HDLBP: variants seen among roughly 807,000 people sequenced by gnomAD.
HDLBP encodes vigilin.
In HDLBP, 30 loss-of-function variants were observed where a neutral mutation model predicts 137.3. The observed-to-expected ratio is 0.22, with a 90% CI of 0.16 to 0.30. The LOEUF (loss-of-function observed/expected upper bound fraction) is 0.30. Ranked by LOEUF, HDLBP falls within the 10% of genes least tolerant of loss-of-function variation. HDLBP has a pLI of 1.00. For synonymous variants in HDLBP, 606 were observed against 596.0 expected, an observed-to-expected ratio of 1.02 and a Z score of -0.24; for missense variants, 1,119 against 1,667.3, an observed-to-expected ratio of 0.67 and a Z score of 5.73.
At chr2:241,264,975 T>C (rs1015599742) in intron 3 of HDLBP, among the ~76,000 whole-genome samples, 1 of 152,278 alleles carries the variant, frequency 6.6e-6, no homozygotes, top group Non-Finnish European at 1.5e-5. Flanking sequence ...TAGAGTCTAA[T>C]AACACACTTA....
intron 1 of HDLBP, among the ~76,000 whole-genome samples, chr2:241,297,186 A>C (rs1431802420): frequency 1.3e-5 from 2 of 152,218 alleles, no homozygotes; most frequent in African/African-American, 4.8e-5. Context: ...TCAGAGCCCA[A>C]GTGGAGTGAG....
chr2:241,295,026 C>T (rs573930827), intron 1 of HDLBP, among the ~76,000 whole-genome samples: 3 of 152,074 alleles, frequency 2.0e-5, no homozygotes, highest in Admixed American at 6.6e-5. Context: ...CTCTTGAACC[C>T]GGGAGGCGGA....
chr2:241,236,654 G>A lies in HDLBP; in HGVS notation c.2865C>T (p.Gly955=), dbSNP rs748110436. 3.1e-6 allele frequency: 5 copies of A among 1,614,062 alleles called. No homozygotes were observed. The South Asian group carries it at 3.3e-5, about 11-fold the overall frequency. Residue 955 remains glycine (G), a synonymous_variant, in exon 21 of 28, where the codon GGC becomes GGT. Transcript: ENST00000310931. ...PRRCDIIIIS[G]RKEKCEAAKE... is the part of the protein sequence containing the mutation. ...TGGCAGCCTCACACTTTTCTTTCCGGCCAGAGATGATGATGATGTCACACC... is the reference window on the plus strand; with the variant it reads ...TGGCAGCCTCACACTTTTCTTTCCGACCAGAGATGATGATGATGTCACACC...
intron 16 of HDLBP, among the ~76,000 whole-genome samples, chr2:241,246,397 C>T (rs138619064): frequency 3.3e-5 from 5 of 152,190 alleles, no homozygotes; most frequent in African/African-American, 1.2e-4. Flanking sequence ...CACGTCAAAA[C>T]TATTACATTG....
rs1261629737 is a variant in HDLBP at position 241,272,619 on chromosome 2, CCCGGGTGGGGGCCGCGGCA to C, written c.-102-4097_-102-4079del. 1 of 981,244 alleles carries C rather than the reference CCCGGGTGGGGGCCGCGGCA, an allele frequency of 1.0e-6. No homozygotes were observed. The highest frequency in any genetic ancestry group is 1.2e-4 in the East Asian group (1 of 8,684). 60.8% of individuals were successfully genotyped at this position (981,244 alleles called of 1,614,324 possible). On this transcript the variant is annotated intron_variant, in intron 1 of 27. Transcript: ENST00000310931. This position sits in a 1 kb window ranked among gnomAD's most constrained non-coding sequence, Gnocchi z 5.6. ...CGCGGGCGGGGGCCGCAGCCTGGGG[CCCGGGTGGGGGCCGCGGCA>C]CCCGGGCCCCTCCCCCTCCGCGGCC...
At chr2:241,268,225 C>T (rs1262802869) in intron 2 of HDLBP, among the ~76,000 whole-genome samples, 1 of 152,204 alleles carries the variant, frequency 6.6e-6, no homozygotes, top group Non-Finnish European at 1.5e-5. Flanking sequence ...ACTGAATAAA[C>T]ATAATTCACA....
intron 20 of HDLBP, among the ~76,000 whole-genome samples, chr2:241,237,194 C>A (rs113742989): frequency 1.3e-4 from 20 of 152,212 alleles, no homozygotes; most frequent in African/African-American, 4.8e-4. Flanking sequence ...GCGGCCAGCA[C>A]GCAGCCCCAC....
chr2:241,262,279 G>A (rs1298292739), intron 5 of HDLBP, among the ~76,000 whole-genome samples: 27 of 152,140 alleles, frequency 1.8e-4, no homozygotes, highest in Admixed American at 1.8e-3. Flanking sequence ...CTCAAACTCT[G>A]GGACAAGCTT....
chr2:241,269,878 C>T (rs2149564265), intron 1 of HDLBP, among the ~76,000 whole-genome samples: 1 of 152,198 alleles, frequency 6.6e-6, no homozygotes, highest in East Asian at 1.9e-4. Flanking sequence ...CTCCCGCATC[C>T]ACCCTCCGCC....
At chr2:241,305,175 G>A (rs1262360561) in intron 1 of HDLBP, among the ~76,000 whole-genome samples, 2 of 152,196 alleles carry the variant, frequency 1.3e-5, no homozygotes, top group East Asian at 1.9e-4. Context: ...CCAGGCTAGA[G>A]TGCAGTGGCG....
chr2:241,314,010 A>C (rs2075871155), intron 1 of HDLBP, among the ~76,000 whole-genome samples: 1 of 152,176 alleles, frequency 6.6e-6, no homozygotes, highest in Non-Finnish European at 1.5e-5. Context: ...CCTCATGATG[A>C]ATTATTTAAT....
At chr2:241,296,947 T>C (rs1201812895) in intron 1 of HDLBP, among the ~76,000 whole-genome samples, 2 of 152,226 alleles carry the variant, frequency 1.3e-5, no homozygotes. Flanking sequence ...CGAGTGTGCG[T>C]CAGCACGAAG....
intron 27 of HDLBP, 52 bp downstream of exon 27, chr2:241,229,781 C>A (rs769795766): frequency 6.5e-7 from 1 of 1,540,738 alleles, no homozygotes; most frequent in Non-Finnish European, 8.9e-7. Flanking sequence ...ACCAAGCCCG[C>A]CTGCCCGCCC....
chr2:241,241,352 G>C lies in HDLBP; in HGVS notation c.2169+1108C>G, dbSNP rs185403624. The stretch of plus-strand genomic sequence containing the variant: ...GGAGGCCGAGGCGGGCGGATCACGA[G>C]GTCAGGAGATCGAGACCATCCTAGC... On this transcript the variant is annotated intron_variant, in intron 17 of 27. Coordinates refer to ENST00000310931, the MANE Select transcript of HDLBP (RefSeq NM_005336.6). Among the ~76,000 whole-genome samples the C allele has an allele frequency of 4.9e-3, 749 of 152,078 alleles. 5 individuals are homozygous for C. The highest frequency in any genetic ancestry group is 0.017 in the African/African-American group (692 of 41,490).
At chr2:241,285,328 C>T (rs1335089070) in intron 1 of HDLBP, among the ~76,000 whole-genome samples, 1 of 152,334 alleles carries the variant, frequency 6.6e-6, no homozygotes, top group Non-Finnish European at 1.5e-5. Context: ...TGCAGTGTCT[C>T]TGCAGTGTGC....
chr2:241,237,913 G>A (rs2070756106), intron 20 of HDLBP, among the ~76,000 whole-genome samples: 1 of 152,174 alleles, frequency 6.6e-6, no homozygotes, highest in South Asian at 2.1e-4. Flanking sequence ...GAAAACAAAG[G>A]GGCTTGAATG....
chr2:241,301,501 A>G lies in HDLBP; in HGVS notation c.-103+14069T>C, dbSNP rs573367144. ...AAAATAAAACACATTCGGATGATGCAGTGTATTTCATTTTGTTCACACTAG... is the reference window on the plus strand; with the variant it reads ...AAAATAAAACACATTCGGATGATGCGGTGTATTTCATTTTGTTCACACTAG... On this transcript the variant is annotated intron_variant, in intron 1 of 27. Coordinates refer to ENST00000310931, the MANE Select transcript of HDLBP (RefSeq NM_005336.6). Among the ~76,000 whole-genome samples, 42 of 152,356 alleles carry G rather than the reference A, an allele frequency of 2.8e-4. No individual in the cohort carries two copies. In the South Asian group the frequency reaches 3.3e-3, roughly 12 times the overall value.
At position 241,255,467 on chromosome 2, in the gene HDLBP, A is replaced by G; in HGVS notation, c.987T>C (p.Val329=). 1 of 1,613,926 alleles carries G rather than the reference A, an allele frequency of 6.2e-7. No individual in the cohort carries two copies. The highest frequency in any genetic ancestry group is 1.1e-5 in the South Asian group (1 of 91,074). Residue 329 remains valine (V), a synonymous_variant, in exon 8 of 28, where the codon GTT becomes GTC. Coordinates refer to ENST00000310931, the MANE Select transcript of HDLBP (RefSeq NM_005336.6). ...AGATGCTGTCTGAGGGTGGGATCTC[A>G]ACGGAAACTCCAGTTCTCTCAAGGA... ...QEILERTGVS[V]EIPPSDSISE... is the part of the protein sequence containing the mutation.
intron 22 of HDLBP, 112 bp downstream of exon 22, chr2:241,235,378 A>T (rs2070282199): frequency 6.7e-7 from 1 of 1,493,762 alleles, no homozygotes; most frequent in Non-Finnish European, 9.3e-7. Flanking sequence ...GTCAGTGCCC[A>T]GTCCGAGCAG....
Sources: gnomAD v4.1 joint callset for allele counts (sites outside exome capture counted in the v4.1 genomes callset) on GRCh38, gnomAD v4.1.1 for gene constraint, Gnocchi (gnomAD v3.1) non-coding constraint, MANE v1.5 for transcripts, NCBI Gene and HGNC (gene_info 2026-07-23, HGNC 2026-07-21) for gene names.